AKT3: variants seen among roughly 807,000 people sequenced by gnomAD.
AKT3 encodes the protein RAC-gamma serine/threonine-protein kinase.
AKT3 carries 15 observed loss-of-function variants against 65.3 expected under a neutral mutation model. That is an observed-to-expected ratio of 0.23 (90% CI 0.15 to 0.35). AKT3 has a LOEUF of 0.35. Ranked by LOEUF, AKT3 falls within the 10% of genes least tolerant of loss-of-function variation. AKT3 has a pLI of 1.00. For missense variants in AKT3, 243 were observed against 576.5 expected (o/e 0.42, Z 5.92); for synonymous variants, 206 against 183.8 (o/e 1.12, Z -0.98).
intron 2 of AKT3, among the ~76,000 whole-genome samples, chr1:243,700,928 C>G (rs1162929814): frequency 1.3e-5 from 2 of 152,206 alleles, no homozygotes; most frequent in South Asian, 4.1e-4. Flanking sequence ...TATATACTCT[C>G]AAACCAGAGC....
intron 2 of AKT3, among the ~76,000 whole-genome samples, chr1:243,730,313 T>G (rs1687471326): frequency 2.0e-5 from 3 of 152,208 alleles, no homozygotes; most frequent in Admixed American, 2.0e-4. Context: ...TGCTGAGCTG[T>G]TCTGCTACTC....
chr1:243,686,803 A>G (rs1414374157), intron 3 of AKT3, among the ~76,000 whole-genome samples: 2 of 149,766 alleles, frequency 1.3e-5, no homozygotes, highest in African/African-American at 4.9e-5. Context: ...AGCTGGGACT[A>G]TAGGTGTGCC....
chr1:243,796,769 T>TA (rs1692040720), intron 2 of AKT3, among the ~76,000 whole-genome samples: 1 of 152,144 alleles, frequency 6.6e-6, no homozygotes, highest in South Asian at 2.1e-4. Context: ...CAAAATGTGG[T>TA]ACATCCATAT....
At position 243,807,552 on chromosome 1, in the gene AKT3, G is replaced by A. The variant is rs370163068; in HGVS notation, c.46+35573C>T. Among the ~76,000 whole-genome samples the A allele has an allele frequency of 5.2e-4, 79 of 152,272 alleles. No homozygotes were observed. The East Asian group carries it at 0.011, about 21-fold the overall frequency. ...GCAGCCGGGAAGCTCGAACTGGGTGGAGCCCACCACAACTAAAGGAGACCT... is the reference window on the plus strand; with the variant it reads ...GCAGCCGGGAAGCTCGAACTGGGTGAAGCCCACCACAACTAAAGGAGACCT... On this transcript the variant is annotated intron_variant, in intron 2 of 13. Coordinates refer to ENST00000673466, the MANE Select transcript of AKT3 (RefSeq NM_005465.7).
At chr1:243,638,747 T>C (rs892466369) in intron 5 of AKT3, among the ~76,000 whole-genome samples, 4 of 152,054 alleles carry the variant, frequency 2.6e-5, no homozygotes, top group Non-Finnish European at 4.4e-5. Flanking sequence ...TTTATAACTT[T>C]TTTTTTCTGT....
At position 243,645,986 on chromosome 1, in the gene AKT3, T is replaced by C. The variant is rs1303392566; in HGVS notation, c.336A>G (p.Gln112=). The change falls in exon 5 of 14, where the codon CAA becomes CAG. Residue 112 remains glutamine, a synonymous_variant. Coordinates refer to ENST00000673466, the MANE Select transcript of AKT3 (RefSeq NM_005465.7). ...GACTACAATTCATTCTCTCCTCTTC[T>C]TGCCTCTGCAGTCTGTCTGCTACAG... ...IQAVADRLQR[Q]EEERMNCSPT... 6.2e-7 allele frequency: 1 copy of C among 1,613,308 alleles called. No individual in the cohort carries two copies.
chr1:243,662,789 T>C lies in AKT3; in HGVS notation c.284+1983A>G, dbSNP rs376159363. Among the ~76,000 whole-genome samples, 17 of 152,270 alleles carry C rather than the reference T, an allele frequency of 1.1e-4. No homozygotes were observed. The East Asian group carries it at 1.5e-3, about 14-fold the overall frequency. On this transcript the variant is annotated intron_variant, in intron 4 of 13. Transcript: ENST00000673466. ...CCAAACACCAGATTCTAGAGGTATA[T>C]AGAAATGCACATACCAATGGCAAAT...
At chr1:243,527,919 A>G (rs1303311461) in intron 12 of AKT3, among the ~76,000 whole-genome samples, 3 of 99,236 alleles carry the variant, frequency 3.0e-5, no homozygotes, top group African/African-American at 1.2e-4. Context: ...ACACACACAC[A>G]CACACACACA....
At chr1:243,534,138 G>C (rs1485443740) in intron 12 of AKT3, among the ~76,000 whole-genome samples, 1 of 152,064 alleles carries the variant, frequency 6.6e-6, no homozygotes, top group Non-Finnish European at 1.5e-5. Flanking sequence ...TGGTCTACAA[G>C]AAACCCACTT....
intron 4 of AKT3, among the ~76,000 whole-genome samples, chr1:243,649,158 TA>T (rs1186707617): frequency 2.6e-5 from 4 of 152,140 alleles, no homozygotes; most frequent in African/African-American, 9.7e-5. Context: ...CCAATGATTA[TA>T]AAAAATTATG....
intron 2 of AKT3, among the ~76,000 whole-genome samples, chr1:243,747,358 T>C (rs981239124): frequency 3.9e-5 from 6 of 152,200 alleles, no homozygotes; most frequent in African/African-American, 1.4e-4. Flanking sequence ...AATTAGAGGA[T>C]AATTTCAAGA....
chr1:243,751,526 A>AT (rs1012806825), intron 2 of AKT3, among the ~76,000 whole-genome samples: 1 of 151,988 alleles, frequency 6.6e-6, no homozygotes, highest in African/African-American at 2.4e-5. Flanking sequence ...TTGTTTTGTT[A>AT]TTTTTTCTCC....
intron 6 of AKT3, among the ~76,000 whole-genome samples, chr1:243,622,505 T>C (rs1284006268): frequency 6.6e-6 from 1 of 152,238 alleles, no homozygotes; most frequent in East Asian, 1.9e-4. Flanking sequence ...GAGGAGTTTG[T>C]CAGTTTTATT....
chr1:243,635,043 C>T (rs921398213), intron 6 of AKT3, among the ~76,000 whole-genome samples: 5 of 151,932 alleles, frequency 3.3e-5, no homozygotes, highest in African/African-American at 7.2e-5. Flanking sequence ...GCATAGGGGA[C>T]GTTCTCCAGG....
rs534415281 is a variant in AKT3 at position 243,757,391 on chromosome 1, G to A, written c.47-61675C>T. Among the ~76,000 whole-genome samples, 4 of 152,282 alleles carry A rather than the reference G, an allele frequency of 2.6e-5. No homozygotes were observed. In the South Asian group the frequency reaches 8.3e-4, roughly 32 times the overall value. The stretch of plus-strand genomic sequence containing the variant: ...CCAGCACTTTGGGAGGCTGAGGCGG[G>A]TGGATCACCTGAGGTCAGGACTTCA... On this transcript the variant is annotated intron_variant, in intron 2 of 13. Transcript: ENST00000673466.
chr1:243,497,742 C>T (rs1668397038), downstream of AKT3, among the ~76,000 whole-genome samples: 1 of 152,158 alleles, frequency 6.6e-6, no homozygotes, highest in Non-Finnish European at 1.5e-5. Flanking sequence ...TGTTCTCTAC[C>T]CAAAATTCAT....
At chr1:243,706,548 C>G (rs1685809938) in intron 2 of AKT3, among the ~76,000 whole-genome samples, 1 of 152,166 alleles carries the variant, frequency 6.6e-6, no homozygotes, top group Admixed American at 6.5e-5. Context: ...TAAGAAAAGT[C>G]TAGTAGTATG....
intron 3 of AKT3, among the ~76,000 whole-genome samples, chr1:243,669,418 T>A (rs1683022357): frequency 6.6e-6 from 1 of 152,210 alleles, no homozygotes; most frequent in African/African-American, 2.4e-5. Flanking sequence ...GAATGCCCGG[T>A]CTGAGGTTCA....
chr1:243,703,705 G>A (rs1468323871), intron 2 of AKT3, among the ~76,000 whole-genome samples: 1 of 144,224 alleles, frequency 6.9e-6, no homozygotes, highest in Non-Finnish European at 1.5e-5. Context: ...AGGTTGCAGT[G>A]AGCCGAGATT....
Sources: gnomAD v4.1 joint callset for allele counts (sites outside exome capture counted in the v4.1 genomes callset) on GRCh38, gnomAD v4.1.1 for gene constraint, MANE v1.5 for transcripts, NCBI Gene and HGNC (gene_info 2026-07-23, HGNC 2026-07-21) for gene names.